GLCE: variants seen among roughly 807,000 people sequenced by gnomAD.
GLCE encodes the protein glucuronic acid epimerase.
A neutral mutation model predicts 47.9 loss-of-function variants in GLCE; 19 were observed. The observed-to-expected ratio is 0.40, with a 90% CI of 0.28 to 0.58. GLCE has a LOEUF of 0.58. Ranked by LOEUF, GLCE falls within the 20% of genes least tolerant of loss-of-function variation. The pLI, the probability that GLCE is intolerant of heterozygous loss-of-function variation, is 0.48. For missense variants in GLCE, 556 were observed against 743.3 expected, an observed-to-expected ratio of 0.75 and a Z score of 2.93; for synonymous variants, 245 against 263.4, an observed-to-expected ratio of 0.93 and a Z score of 0.68.
chr15:69,202,971 T>G (rs2140365642), intron 1 of GLCE, among the ~76,000 whole-genome samples: 1 of 152,284 alleles, frequency 6.6e-6, no homozygotes, highest in East Asian at 1.9e-4. Flanking sequence ...GGGTGGAAAG[T>G]TCATTTGATT....
At chr15:69,234,728 A>G (rs1192855426) in intron 2 of GLCE, among the ~76,000 whole-genome samples, 1 of 152,200 alleles carries the variant, frequency 6.6e-6, no homozygotes, top group Admixed American at 6.5e-5. Flanking sequence ...GGTTAATGAA[A>G]GGTCTTGCAG....
At chr15:69,255,625 T>G (rs747780344) in intron 2 of GLCE, among the ~76,000 whole-genome samples, 169 bp from the exon 3 acceptor site, 20 of 152,052 alleles carry the variant, frequency 1.3e-4, no homozygotes, top group Non-Finnish European at 2.8e-4. Flanking sequence ...AGGAAGCACC[T>G]CTTACCTTTT....
rs183642082 is a variant in GLCE at position 69,163,083 on chromosome 15, A to G, written c.-105+2326A>G. ...ATTCAGACCAAAATACCTGGTTGACATTTACAGCTATCACAACTGATTGCT... is the reference window on the plus strand; with the variant it reads ...ATTCAGACCAAAATACCTGGTTGACGTTTACAGCTATCACAACTGATTGCT... On this transcript the variant is annotated intron_variant, in intron 1 of 4. Coordinates refer to ENST00000261858, the MANE Select transcript of GLCE (RefSeq NM_015554.3). Among the ~76,000 whole-genome samples, 74 of 152,336 alleles carry G rather than the reference A, an allele frequency of 4.9e-4. 1 individual carries two copies. The highest frequency in any genetic ancestry group is 1.7e-3 in the African/African-American group (72 of 41,580).
chr15:69,171,158 T>C (rs532754082), intron 1 of GLCE, among the ~76,000 whole-genome samples: 12 of 152,186 alleles, frequency 7.9e-5, no homozygotes, highest in African/African-American at 2.9e-4. Context: ...TTACTTAAAC[T>C]TTTATTTACC....
chr15:69,241,554 T>C (rs2052671670), intron 2 of GLCE, among the ~76,000 whole-genome samples: 1 of 152,218 alleles, frequency 6.6e-6, no homozygotes, highest in Admixed American at 6.5e-5. Flanking sequence ...ATCAATATGC[T>C]AGTGACCCTA....
At chr15:69,168,749 C>T (rs2051541872) in intron 1 of GLCE, among the ~76,000 whole-genome samples, 2 of 152,162 alleles carry the variant, frequency 1.3e-5, no homozygotes, top group South Asian at 4.1e-4. Context: ...TCAGGCTGGT[C>T]TCAAACTCCC....
At chr15:69,251,039 A>G (rs1008532110) in intron 2 of GLCE, among the ~76,000 whole-genome samples, 1 of 152,086 alleles carries the variant, frequency 6.6e-6, no homozygotes, top group Non-Finnish European at 1.5e-5. Context: ...TTAAAAAAAC[A>G]CACACAAAAC....
At chr15:69,202,208 C>T (rs78639068) in intron 1 of GLCE, among the ~76,000 whole-genome samples, 1,537 of 152,078 alleles carry the variant, frequency 0.01, 16 homozygotes, top group African/African-American at 0.033. Flanking sequence ...GCATGAACCA[C>T]GGTTCCCAGC....
At chr15:69,210,801 T>C (rs1440920838) in intron 2 of GLCE, among the ~76,000 whole-genome samples, 1 of 152,120 alleles carries the variant, frequency 6.6e-6, no homozygotes, top group East Asian at 1.9e-4. Flanking sequence ...ATAAAGTTTA[T>C]TGGAACACAG....
intron 2 of GLCE, among the ~76,000 whole-genome samples, chr15:69,218,894 A>G (rs1566959372): frequency 6.6e-6 from 1 of 152,178 alleles, no homozygotes. Flanking sequence ...TGCAAATGTA[A>G]CTTTCTGATA....
At chr15:69,264,297 C>T (rs968070262) in intron 4 of GLCE, among the ~76,000 whole-genome samples, 3 of 151,670 alleles carry the variant, frequency 2.0e-5, no homozygotes, top group South Asian at 4.2e-4. Flanking sequence ...CTTCAAGGTT[C>T]GTCTATGTTG....
At chr15:69,169,866 A>T (rs1047939868) in intron 1 of GLCE, among the ~76,000 whole-genome samples, 3 of 152,146 alleles carry the variant, frequency 2.0e-5, no homozygotes, top group African/African-American at 7.2e-5. Context: ...GAACACACAT[A>T]ATTCTTAAGC....
intron 1 of GLCE, among the ~76,000 whole-genome samples, chr15:69,170,149 A>AT (rs1361637517): frequency 6.6e-6 from 1 of 152,012 alleles, no homozygotes; most frequent in South Asian, 2.1e-4. Context: ...AATATGAAAC[A>AT]TTAGTTTTAA....
chr15:69,235,582 C>T (rs1011594270), intron 2 of GLCE, among the ~76,000 whole-genome samples: 2 of 151,948 alleles, frequency 1.3e-5, no homozygotes, highest in Non-Finnish European at 1.5e-5. Flanking sequence ...ATGAGGAAAC[C>T]GAAGTTTGGA....
chr15:69,161,217 C>T (rs148932594), intron 1 of GLCE, among the ~76,000 whole-genome samples: 2 of 151,980 alleles, frequency 1.3e-5, no homozygotes, highest in East Asian at 3.9e-4. Flanking sequence ...AACCTTGTCT[C>T]TGGAGGCAGA....
chr15:69,207,496 G>A (rs967734684), intron 1 of GLCE, among the ~76,000 whole-genome samples: 12 of 152,014 alleles, frequency 7.9e-5, no homozygotes, highest in African/African-American at 2.2e-4. Context: ...GAATGCAATC[G>A]TATAATATAT....
intron 1 of GLCE, among the ~76,000 whole-genome samples, chr15:69,189,816 A>T (rs935822263): frequency 6.6e-6 from 1 of 150,966 alleles, no homozygotes; most frequent in Admixed American, 6.6e-5. Context: ...TCTCTTTCTA[A>T]TTTTTTTTTA....
At chr15:69,209,923 T>G (rs2052206952) in intron 1 of GLCE, among the ~76,000 whole-genome samples, 1 of 152,016 alleles carries the variant, frequency 6.6e-6, no homozygotes, top group South Asian at 2.1e-4. Context: ...TTGCCACTGC[T>G]GCCACAGCTG....
At chr15:69,233,686 A>C (rs1323496703) in intron 2 of GLCE, among the ~76,000 whole-genome samples, 1 of 152,106 alleles carries the variant, frequency 6.6e-6, no homozygotes, top group African/African-American at 2.4e-5. Flanking sequence ...TTTATAACCC[A>C]GGTACCCTAT....
Sources: allele counts gnomAD v4.1 joint callset (sites outside exome capture counted in the v4.1 genomes callset), GRCh38; gene constraint gnomAD v4.1.1; transcripts MANE v1.5; gene names NCBI Gene and HGNC (gene_info 2026-07-23, HGNC 2026-07-21).